The following MTCL1 variants were observed in gnomAD, a reference collection of about 807,000 sequenced individuals.
The protein encoded by MTCL1 is microtubule cross-linking factor 1.
In MTCL1, 79 loss-of-function variants were observed where a neutral mutation model predicts 141.4. The ratio of observed to expected loss-of-function variants is 0.56; its 90% confidence interval spans 0.47 to 0.67. The LOEUF (loss-of-function observed/expected upper bound fraction) is 0.67. Ranked by LOEUF, MTCL1 falls within the 30% of genes least tolerant of loss-of-function variation. The pLI, the probability that MTCL1 is intolerant of heterozygous loss-of-function variation, is 0.00. For synonymous variants in MTCL1, 914 were observed against 875.8 expected (o/e 1.04, Z -0.77); for missense variants, 2,177 against 2,113.9 (o/e 1.03, Z -0.59).
chr18:8,825,407 T>A (rs2076989511), exon 15 of MTCL1: 1 of 1,544,668 alleles, frequency 6.5e-7, no homozygotes, highest in African/African-American at 1.4e-5. Flanking sequence ...GCTCCGGCCC[T>A]GGCGAGCTGC....
At chr18:8,715,601 A>T (rs564134444), upstream of MTCL1, among the ~76,000 whole-genome samples, 5 of 152,264 alleles carry the variant, frequency 3.3e-5, no homozygotes, top group East Asian at 3.9e-4. Flanking sequence ...TAACCTCTTT[A>T]CTCAGAAACA....
chr18:8,712,729 TC>T (rs1293902293), upstream of MTCL1, among the ~76,000 whole-genome samples: 2 of 152,132 alleles, frequency 1.3e-5, no homozygotes, highest in Non-Finnish European at 2.9e-5. Context: ...GCCCTGCACC[TC>T]CTTAGTTACA....
chr18:8,758,125 A>G (rs902571605), intron 4 of MTCL1, among the ~76,000 whole-genome samples: 1 of 151,800 alleles, frequency 6.6e-6, no homozygotes, highest in Non-Finnish European at 1.5e-5. Flanking sequence ...CCCGGGTTCA[A>G]GCGATTCTCT....
At chr18:8,740,434 A>G (rs1303930041) in intron 4 of MTCL1, among the ~76,000 whole-genome samples, 2 of 152,192 alleles carry the variant, frequency 1.3e-5, no homozygotes, top group Non-Finnish European at 2.9e-5. Context: ...TGGGACAGAT[A>G]CCATGCGGCC....
intron 10 of MTCL1, among the ~76,000 whole-genome samples, chr18:8,799,813 G>C (rs1471395731): frequency 6.6e-6 from 1 of 152,242 alleles, no homozygotes; most frequent in Non-Finnish European, 1.5e-5. Flanking sequence ...AAATGTTACT[G>C]TCAGGGTGGA....
upstream of MTCL1, among the ~76,000 whole-genome samples, chr18:8,714,921 C>T (rs1485578349): frequency 3.3e-5 from 5 of 152,188 alleles, no homozygotes; most frequent in East Asian, 3.9e-4. Context: ...CTCAGCCTCC[C>T]GAGTAGCTGG....
At chr18:8,706,541 C>T in exon 1 of MTCL1, 1 of 1,378,136 alleles carries the variant, frequency 7.3e-7, no homozygotes, top group South Asian at 1.7e-5. Flanking sequence ...GGGGGTTTCG[C>T]GGGGCCCGGC....
At chr18:8,778,001 A>C in intron 5 of MTCL1, 109 bp downstream of exon 4, 1 of 997,766 alleles carries the variant, frequency 1.0e-6, no homozygotes, top group Non-Finnish European at 1.5e-6. Context: ...CCAAAGAAAC[A>C]TTACCTGCCC....
chr18:8,831,250 T>G (rs2077183180), intron 16 of MTCL1: 2 of 1,077,322 alleles, frequency 1.9e-6, no homozygotes, highest in South Asian at 6.2e-5. Context: ...AATGAACAGA[T>G]CTACCAGATA....
intron 4 of MTCL1, among the ~76,000 whole-genome samples, chr18:8,764,048 C>T (rs1314803730): frequency 6.6e-6 from 1 of 152,068 alleles, no homozygotes; most frequent in Non-Finnish European, 1.5e-5. Context: ...AAAGTTCATA[C>T]TTCAAACACA....
At chr18:8,716,082 C>T (rs894243867), upstream of MTCL1, among the ~76,000 whole-genome samples, 2 of 152,168 alleles carry the variant, frequency 1.3e-5, no homozygotes, top group Non-Finnish European at 2.9e-5. Context: ...AACTTGGTTA[C>T]GAGTTCACAA....
chr18:8,830,096 G>A lies in MTCL1; in HGVS notation c.*18+1132G>A, dbSNP rs2077150361. ...ACACACTACTTCTATAACAAGGGGA[G>A]CGCAGACACAAAACACACAGATTTC... is the stretch of plus-strand genomic sequence containing the variant. On this transcript the variant is annotated intron_variant, in intron 16 of 16. Coordinates refer to ENST00000359865, the Ensembl canonical transcript of MTCL1. This position sits in a 1 kb window ranked among gnomAD's most constrained non-coding sequence, Gnocchi z 6.4. 2 of 985,476 alleles carry A rather than the reference G, an allele frequency of 2.0e-6. No homozygotes were observed. Among genetic ancestry groups the A allele is most frequent in the South Asian group, 9.4e-5 (2 of 21,262 alleles). The allele number at this position is 985,476 out of a possible 1,614,324, so 61.0% of individuals were successfully genotyped here. A position where few individuals can be genotyped will look rare whatever the true frequency, so the allele number is the denominator to read the frequency against.
chr18:8,736,278 G>A lies in MTCL1; in HGVS notation c.357+15782G>A, dbSNP rs1266029196. On this transcript the variant is annotated intron_variant, in intron 4 of 16. Coordinates refer to ENST00000359865, the Ensembl canonical transcript of MTCL1. ...TGCATCTTAAAATCAGTGAAATACG[G>A]TATGTGTAGATGCTCCTTGACTTAT... Among the ~76,000 whole-genome samples, 5 of 152,244 alleles carry A rather than the reference G, an allele frequency of 3.3e-5. 1 individual carries two copies. The highest frequency in any genetic ancestry group is 2.6e-4 in the Admixed American group (4 of 15,292).
At chr18:8,806,998 T>C (rs927368900) in exon 11 of MTCL1, 1 of 1,613,722 alleles carries the variant, frequency 6.2e-7, no homozygotes, top group African/African-American at 1.3e-5. Context: ...GCAGCAGCAA[T>C]ATGCCAGCGA....
exon 15 of MTCL1, chr18:8,825,750 A>G (rs1473418348): frequency 6.2e-7 from 1 of 1,614,050 alleles, no homozygotes; most frequent in Non-Finnish European, 8.5e-7. Flanking sequence ...GTCACCAGGG[A>G]TGGCCCAGAA....
intron 4 of MTCL1, among the ~76,000 whole-genome samples, chr18:8,728,666 A>G (rs1248072211): frequency 8.0e-6 from 1 of 125,562 alleles, no homozygotes; most frequent in Non-Finnish European, 1.7e-5. Flanking sequence ...CATCACCTGT[A>G]TTCTTTCTAA....
rs2096057175 is a variant in MTCL1, at chr18:8,705,903, G to A, written c.243G>A (p.Ala81=). ...CCGCCCCGCGCTCGCCCAACCTCGC[G>A]GGCAAAGCGCCGCCCTCGCCGGGGT... The change falls in exon 1 of 14, where the codon GCG becomes GCA. Residue 81 remains alanine, a synonymous_variant. Transcript: ENST00000306329. The surrounding 1 kb of genome is among the most constrained non-coding windows in gnomAD (Gnocchi z 5.2). 1 of 1,098,690 alleles carries A rather than the reference G, an allele frequency of 9.1e-7. No homozygotes were observed. Among genetic ancestry groups the A allele is most frequent in the Non-Finnish European group, 1.1e-6 (1 of 903,760 alleles). The allele number at this position is 1,098,690 out of a possible 1,614,324, so 68.1% of individuals were successfully genotyped here.
chr18:8,773,312 G>A (rs1350874256), intron 4 of MTCL1, among the ~76,000 whole-genome samples: 2 of 151,954 alleles, frequency 1.3e-5, no homozygotes, highest in East Asian at 1.9e-4. Flanking sequence ...CGTCTCCCTG[G>A]GTTCATGCTA....
At chr18:8,740,191 A>G (rs1477197999) in intron 4 of MTCL1, among the ~76,000 whole-genome samples, 2 of 152,256 alleles carry the variant, frequency 1.3e-5, no homozygotes, top group Non-Finnish European at 2.9e-5. Flanking sequence ...GTTAGTCAAG[A>G]AATAGTCGTA....
Sources: gnomAD v4.1 joint callset for allele counts (sites outside exome capture counted in the v4.1 genomes callset) on GRCh38, gnomAD v4.1.1 for gene constraint, Gnocchi (gnomAD v3.1) non-coding constraint, MANE v1.5 for transcripts, NCBI Gene and HGNC (gene_info 2026-07-23, HGNC 2026-07-21) for gene names.